SGSM1: variants seen among roughly 807,000 people sequenced by gnomAD.
SGSM1 encodes RUN and TBC1 domain containing 2.
A neutral mutation model predicts 133.8 loss-of-function variants in SGSM1; 73 were observed. That is an observed-to-expected ratio of 0.55 (90% confidence interval 0.45 to 0.66). The LOEUF is 0.66. Among genes scored for constraint, SGSM1 ranks in the 30% least tolerant of loss-of-function variants. The pLI is 0.00. For synonymous variants in SGSM1, 563 were observed against 573.0 expected (o/e 0.98, Z 0.25); for missense variants, 1,213 against 1,448.1 (o/e 0.84, Z 2.64).
At position 24,898,337 on chromosome 22, in the gene SGSM1, G is replaced by T; in HGVS notation, c.2388G>T (p.Met796Ile). Residue 796 changes from methionine to isoleucine, a missense_variant, in exon 19 of 25, where the codon ATG (methionine) becomes ATT (isoleucine). Met to Ile is a conservative substitution (Grantham distance 10). Transcript: ENST00000400358. Reference sequence around the variant, plus strand: ...CCAACGAGAGCATGGACGAGTTCATGTCCATCACGGGCAGCCTGGACATGG... The same window carrying T: ...CCAACGAGAGCATGGACGAGTTCATTTCCATCACGGGCAGCCTGGACATGG... ...LLANESMDEFMSITGSLDMAL... is the reference protein window; with the variant it reads ...LLANESMDEFISITGSLDMAL... 2 of 1,613,926 alleles carry T rather than the reference G, an allele frequency of 1.2e-6. No individual in the cohort carries two copies. Among genetic ancestry groups the T allele is most frequent in the Non-Finnish European group, 8.5e-7 (1 of 1,179,870 alleles).
At chr22:24,864,554 A>G (rs1366079795) in intron 9 of SGSM1, among the ~76,000 whole-genome samples, 3 of 152,226 alleles carry the variant, frequency 2.0e-5, no homozygotes, top group Non-Finnish European at 4.4e-5. Context: ...GCCTTATACC[A>G]CACAAAAGAA....
chr22:24,837,836 G>A (rs957023721), intron 2 of SGSM1, among the ~76,000 whole-genome samples: 20 of 152,210 alleles, frequency 1.3e-4, no homozygotes, highest in Non-Finnish European at 2.9e-5. Context: ...ATTATAGAGT[G>A]AGGATTATCA....
chr22:24,898,810 G>T (rs914522793), intron 19 of SGSM1, among the ~76,000 whole-genome samples: 1 of 152,042 alleles, frequency 6.6e-6, no homozygotes, highest in Non-Finnish European at 1.5e-5. Flanking sequence ...GGTGGATCAC[G>T]AAGTCAGAAG....
intron 12 of SGSM1, among the ~76,000 whole-genome samples, chr22:24,872,059 G>A (rs1931791918): frequency 6.6e-6 from 1 of 152,202 alleles, no homozygotes; most frequent in Non-Finnish European, 1.5e-5. Flanking sequence ...CTGTTTTCAT[G>A]CCACAGCAGC....
intron 22 of SGSM1, among the ~76,000 whole-genome samples, chr22:24,917,029 C>A (rs952264856): frequency 1.3e-5 from 2 of 151,076 alleles, no homozygotes; most frequent in African/African-American, 4.9e-5. Flanking sequence ...CATGCCCAGG[C>A]CACCATGCCA....
At chr22:24,838,809 C>A (rs56087631) in intron 2 of SGSM1, among the ~76,000 whole-genome samples, 1,672 of 151,744 alleles carry the variant, frequency 0.011, 42 homozygotes, top group African/African-American at 0.038. Context: ...AAGTATGAGA[C>A]CTCGAACTTC....
intron 14 of SGSM1, among the ~76,000 whole-genome samples, chr22:24,882,562 A>G (rs9624639): frequency 0.049 from 7,457 of 152,228 alleles, 593 homozygotes; most frequent in African/African-American, 0.17. Context: ...AATATACAAT[A>G]AATTATTAAC....
At chr22:24,900,733 G>T (rs1012331938) in intron 19 of SGSM1, among the ~76,000 whole-genome samples, 17 of 152,156 alleles carry the variant, frequency 1.1e-4, no homozygotes, top group African/African-American at 2.9e-4. Flanking sequence ...CTTATTTTAT[G>T]ATCTGTTTCT....
At position 24,855,398 on chromosome 22, in the gene SGSM1, C is replaced by A. The variant is rs1369723345; in HGVS notation, c.637C>A (p.Gln213Lys). ...RHRIHSSHVR[Q>K]DSPTKRPALC... ...CCGCATCCACAGCTCCCACGTGCGG[C>A]AGGACTCGCCCACCAAGCGTCCTGC... is the stretch of plus-strand genomic sequence containing the variant. Residue 213 changes from glutamine to lysine, a missense_variant, in exon 7 of 25, where the codon CAG (glutamine) becomes AAG (lysine). Transcript: ENST00000400358. 1.9e-6 allele frequency: 3 copies of A among 1,613,456 alleles called. No individual in the cohort carries two copies. The African/African-American group carries it at 4.0e-5, about 22-fold the overall frequency.
intron 2 of SGSM1, among the ~76,000 whole-genome samples, chr22:24,815,843 T>C (rs998478935): frequency 9.9e-5 from 15 of 152,206 alleles, no homozygotes; most frequent in African/African-American, 3.4e-4. Flanking sequence ...GTTGCATCTC[T>C]GTCCAGATGC....
intron 2 of SGSM1, chr22:24,813,776 C>T (rs112443063): frequency 2.0e-5 from 3 of 152,350 alleles, no homozygotes; most frequent in African/African-American, 7.2e-5. Context: ...CAGGAGGGCC[C>T]CTGGCTTGCC....
At chr22:24,906,044 G>A (rs546216650) in intron 21 of SGSM1, among the ~76,000 whole-genome samples, 3 of 152,062 alleles carry the variant, frequency 2.0e-5, no homozygotes, top group Admixed American at 2.0e-4. Context: ...AATTCACCAA[G>A]ATATAAAAAA....
At chr22:24,855,744 G>C (rs764632010) in intron 8 of SGSM1, 64 bp downstream of exon 8, 1 of 1,612,794 alleles carries the variant, frequency 6.2e-7, no homozygotes, top group East Asian at 2.2e-5. Context: ...TAGAGGAAAA[G>C]GTCTCTCTGG....
chr22:24,844,802 CT>C, intron 2 of SGSM1, 94 bp from the exon 3 acceptor site: 1 of 1,135,318 alleles, frequency 8.8e-7, no homozygotes, highest in East Asian at 2.4e-5. Context: ...CCTGAAAGGC[CT>C]TGTGGGGAGC....
intron 7 of SGSM1, 59 bp downstream of exon 7, chr22:24,855,489 G>A (rs1160094376): frequency 6.2e-6 from 10 of 1,612,952 alleles, no homozygotes; most frequent in Non-Finnish European, 5.9e-6. Flanking sequence ...AGGAAGCAGG[G>A]TAGGAGCCCT....
intron 21 of SGSM1, among the ~76,000 whole-genome samples, chr22:24,909,750 C>A (rs965981977): frequency 3.9e-5 from 6 of 152,100 alleles, no homozygotes; most frequent in Non-Finnish European, 8.8e-5. Context: ...GCGACCATGC[C>A]TGGCTGGTTT....
At chr22:24,894,909 A>G (rs994623910) in intron 17 of SGSM1, among the ~76,000 whole-genome samples, 1 of 152,148 alleles carries the variant, frequency 6.6e-6, no homozygotes, top group Non-Finnish European at 1.5e-5. Flanking sequence ...TAATAGAACC[A>G]GTTACTCTGT....
At chr22:24,870,469 TC>T (rs1931714520) in intron 12 of SGSM1, among the ~76,000 whole-genome samples, 1 of 152,230 alleles carries the variant, frequency 6.6e-6, no homozygotes, top group African/African-American at 2.4e-5. Context: ...ATGTGTACAC[TC>T]CCGCTGGGAG....
At chr22:24,896,627 GT>G (rs142417545) in intron 18 of SGSM1, among the ~76,000 whole-genome samples, 9,281 of 139,026 alleles carry the variant, frequency 0.067, 742 homozygotes, top group African/African-American at 0.2. Context: ...TTGTTTTTTG[GT>G]TTTTTTTTTT....
Sources: gnomAD v4.1 joint callset for allele counts (sites outside exome capture counted in the v4.1 genomes callset) on GRCh38, gnomAD v4.1.1 for gene constraint, MANE v1.5 for transcripts, NCBI Gene and HGNC (gene_info 2026-07-23, HGNC 2026-07-21) for gene names.